The following BMP2K variants were observed in gnomAD, a reference collection of about 807,000 sequenced individuals.
The protein encoded by BMP2K is BMP2 inducible kinase.
BMP2K carries 74 observed loss-of-function variants against 116.0 expected under a neutral mutation model. The ratio of observed to expected loss-of-function variants is 0.64; its 90% CI spans 0.53 to 0.77. The LOEUF (loss-of-function observed/expected upper bound fraction) is 0.77. Ranked by LOEUF, BMP2K falls within the 30% of genes least tolerant of loss-of-function variation. BMP2K has a pLI of 0.00. For synonymous variants in BMP2K, 486 were observed against 502.5 expected, an observed-to-expected ratio of 0.97 and a Z score of 0.44; for missense variants, 1,365 against 1,403.6, an observed-to-expected ratio of 0.97 and a Z score of 0.44.
intron 14 of BMP2K, among the ~76,000 whole-genome samples, chr4:78,884,292 G>A (rs1343596774): frequency 2.0e-5 from 3 of 152,098 alleles, no homozygotes; most frequent in Admixed American, 6.6e-5. Context: ...ATGCCACTGC[G>A]CTCTAGGTTG....
At chr4:78,868,494 C>A (rs1178460726) in intron 10 of BMP2K, among the ~76,000 whole-genome samples, 1 of 152,132 alleles carries the variant, frequency 6.6e-6, no homozygotes, top group Non-Finnish European at 1.5e-5. Flanking sequence ...CATTTCAAAA[C>A]CAATCATGCC....
At chr4:78,872,576 T>C (rs1198408716) in intron 12 of BMP2K, 38 bp from the exon 13 acceptor site, 1 of 1,587,680 alleles carries the variant, frequency 6.3e-7, no homozygotes, top group Non-Finnish European at 8.6e-7. Flanking sequence ...GCTTTAGGAC[T>C]GGAGCATTGT....
intron 1 of BMP2K, among the ~76,000 whole-genome samples, chr4:78,808,740 T>C (rs1221147797): frequency 6.6e-6 from 1 of 152,252 alleles, no homozygotes; most frequent in Non-Finnish European, 1.5e-5. Context: ...AGTGTTTTCT[T>C]TAATATCCAT....
At chr4:78,854,297 C>T (rs948891102) in intron 7 of BMP2K, among the ~76,000 whole-genome samples, 2 of 150,362 alleles carry the variant, frequency 1.3e-5, no homozygotes, top group Non-Finnish European at 3.0e-5. Flanking sequence ...TTTTTAAGAC[C>T]ATGTCTCACT....
chr4:78,890,364 T>G lies in BMP2K; in HGVS notation c.2062+3080T>G, dbSNP rs537143809. ...AAATGAGATTTTTTTTTGATTTAGA[T>G]ATTTTACAGTTTGTCCGCCTCACAC... is the stretch of plus-strand genomic sequence containing the variant. On this transcript the variant is annotated intron_variant, in intron 15 of 15. Coordinates refer to ENST00000502613, the MANE Select transcript of BMP2K (RefSeq NM_198892.2). Among the ~76,000 whole-genome samples, 3 of 151,728 alleles carry G rather than the reference T, an allele frequency of 2.0e-5. No homozygotes were observed. The East Asian group carries it at 5.8e-4, about 29-fold the overall frequency.
intron 14 of BMP2K, chr4:78,879,331 A>G (rs1732788296): frequency 1.0e-6 from 1 of 990,326 alleles, no homozygotes; most frequent in Non-Finnish European, 1.2e-6. Context: ...GGGCTACTAC[A>G]TTATGTTAAT....
intron 2 of BMP2K, among the ~76,000 whole-genome samples, chr4:78,830,890 A>G (rs1377463880): frequency 6.6e-6 from 1 of 152,202 alleles, no homozygotes; most frequent in African/African-American, 2.4e-5. Flanking sequence ...GTCAGCAATA[A>G]GGCTGTTTTG....
At chr4:78,862,271 G>A (rs1731835239) in intron 9 of BMP2K, among the ~76,000 whole-genome samples, 1 of 151,988 alleles carries the variant, frequency 6.6e-6, no homozygotes, top group South Asian at 2.1e-4. Flanking sequence ...AGGAGTTCAC[G>A]TTCTAATTGA....
chr4:78,907,998 A>C (rs1734374196), intron 15 of BMP2K, among the ~76,000 whole-genome samples: 1 of 152,278 alleles, frequency 6.6e-6, no homozygotes, highest in African/African-American at 2.4e-5. Flanking sequence ...TTTGCTTTTG[A>C]ATAAAAATTC....
chr4:78,842,208 A>G (rs767306006), intron 3 of BMP2K, among the ~76,000 whole-genome samples, 177 bp from the exon 4 acceptor site: 13 of 152,200 alleles, frequency 8.5e-5, no homozygotes, highest in African/African-American at 2.9e-4. Flanking sequence ...GAGATGTAAA[A>G]TGTGAAAAAA....
intron 15 of BMP2K, among the ~76,000 whole-genome samples, chr4:78,894,867 T>G (rs1250819265): frequency 6.6e-6 from 1 of 152,162 alleles, no homozygotes; most frequent in Non-Finnish European, 1.5e-5. Context: ...TTAGAGGCCA[T>G]TGTGGGGTTA....
At chr4:78,795,731 C>T (rs1728226926) in intron 1 of BMP2K, among the ~76,000 whole-genome samples, 1 of 152,132 alleles carries the variant, frequency 6.6e-6, no homozygotes, top group South Asian at 2.1e-4. Context: ...GGGCAAAGGA[C>T]ATGAACAGAC....
chr4:78,900,322 T>C (rs573660421), intron 15 of BMP2K, among the ~76,000 whole-genome samples: 3 of 152,354 alleles, frequency 2.0e-5, no homozygotes, highest in African/African-American at 7.2e-5. Flanking sequence ...AGTTAAGTTT[T>C]TGAGGAGTTA....
intron 1 of BMP2K, among the ~76,000 whole-genome samples, chr4:78,798,445 G>C (rs1383245624): frequency 6.6e-6 from 1 of 152,022 alleles, no homozygotes; most frequent in Non-Finnish European, 1.5e-5. Context: ...GAACATAACT[G>C]GTTTTCTTTT....
At chr4:78,902,220 A>G (rs1162086632) in intron 15 of BMP2K, among the ~76,000 whole-genome samples, 1 of 152,186 alleles carries the variant, frequency 6.6e-6, no homozygotes, top group Non-Finnish European at 1.5e-5. Context: ...ATAGTTTATA[A>G]GTAGGAATCT....
At chr4:78,788,160 TC>T (rs1162289070) in intron 1 of BMP2K, among the ~76,000 whole-genome samples, 1 of 152,022 alleles carries the variant, frequency 6.6e-6, no homozygotes, top group East Asian at 1.9e-4. Context: ...CAGACTCTCT[TC>T]CGTTGAATGT....
intron 14 of BMP2K, chr4:78,879,231 C>T: frequency 2.9e-6 from 3 of 1,026,930 alleles, no homozygotes; most frequent in Non-Finnish European, 3.5e-6. Flanking sequence ...TTTTGCCTTA[C>T]TAATGATTTT....
chr4:78,810,381 A>C (rs1224432668), intron 1 of BMP2K, among the ~76,000 whole-genome samples: 1 of 152,114 alleles, frequency 6.6e-6, no homozygotes, highest in Non-Finnish European at 1.5e-5. Context: ...GAGTTTTTCG[A>C]AGCCCCTGTA....
chr4:78,832,358 T>C (rs1730248790), intron 2 of BMP2K, among the ~76,000 whole-genome samples: 1 of 152,194 alleles, frequency 6.6e-6, no homozygotes, highest in Non-Finnish European at 1.5e-5. Context: ...ATCCACCTGC[T>C]AAGAGGGGGA....
Sources: allele counts gnomAD v4.1 joint callset (sites outside exome capture counted in the v4.1 genomes callset), GRCh38; gene constraint gnomAD v4.1.1; transcripts MANE v1.5; gene names NCBI Gene and HGNC (gene_info 2026-07-23, HGNC 2026-07-21).